MAP3K13: variants seen among roughly 807,000 people sequenced by gnomAD.
MAP3K13 encodes the protein leucine zipper-bearing kinase.
Under a neutral mutation model 104.0 loss-of-function variants are expected in MAP3K13, and 52 were observed. That is an observed-to-expected ratio of 0.50 (90% CI 0.40 to 0.63). MAP3K13 has a LOEUF of 0.63. Among genes scored for constraint, MAP3K13 ranks in the 20% least tolerant of loss-of-function variants. MAP3K13 has a pLI of 0.00. For synonymous variants in MAP3K13, 394 were observed against 442.2 expected (o/e 0.89, Z 1.37); for missense variants, 914 against 1,218.5 (o/e 0.75, Z 3.72).
intron 2 of MAP3K13, among the ~76,000 whole-genome samples, chr3:185,342,230 G>A (rs1029258764): frequency 6.6e-6 from 1 of 152,056 alleles, no homozygotes; most frequent in African/African-American, 2.4e-5. Flanking sequence ...CGAGATTCCT[G>A]CCCCTCAGAG....
At chr3:185,413,800 C>A (rs530408790) in intron 1 of MAP3K13, among the ~76,000 whole-genome samples, 1 of 151,938 alleles carries the variant, frequency 6.6e-6, no homozygotes, top group African/African-American at 2.4e-5. Context: ...CCAGCCTGGG[C>A]GACAGAGCGA....
chr3:185,416,488 T>A lies in MAP3K13; in HGVS notation c.-85-12009T>A, dbSNP rs142619278. On this transcript the variant is annotated intron_variant, in intron 1 of 13. Coordinates refer to ENST00000265026, the MANE Select transcript of MAP3K13 (RefSeq NM_004721.5). ...TGACAAAATTGAGGCTTAGAGAGAG[T>A]TATGGCGAGGTTAGTGATTACAATT... 3.3e-3 allele frequency among the ~76,000 whole-genome samples: 499 copies of A among 151,868 alleles called. 1 individual carries two copies. Among genetic ancestry groups the A allele is most frequent in the African/African-American group, 0.011 (474 of 41,382 alleles).
chr3:185,418,140 C>T lies in MAP3K13; in HGVS notation c.-85-10357C>T, dbSNP rs1413017254. On this transcript the variant is annotated intron_variant, in intron 1 of 13. Transcript: ENST00000265026. This position sits in a 1 kb window ranked among gnomAD's most constrained non-coding sequence, Gnocchi z 4.5. ...TGAAGGCCTTGATGATACCATTATC[C>T]TCATTATAGATGATGCACAGGCCCC... 1 of 1,606,370 alleles carries T rather than the reference C, an allele frequency of 6.2e-7. No homozygotes were observed. The highest frequency in any genetic ancestry group is 1.3e-5 in the African/African-American group (1 of 74,714).
intron 7 of MAP3K13, among the ~76,000 whole-genome samples, chr3:185,452,323 A>C (rs901910894): frequency 2.0e-5 from 3 of 152,088 alleles, no homozygotes; most frequent in Non-Finnish European, 4.4e-5. Flanking sequence ...TCCCGGGCTC[A>C]AGCAACCCTC....
rs9837322 is a variant in MAP3K13 at position 185,335,216 on chromosome 3, A to T, written c.-86+49573A>T. 5.8e-3 allele frequency among the ~76,000 whole-genome samples: 877 copies of T among 152,320 alleles called. 7 individuals carry two copies. Among genetic ancestry groups the T allele is most frequent in the African/African-American group, 0.019 (785 of 41,572 alleles). On this transcript the variant is annotated intron_variant, in intron 2 of 14. Coordinates refer to the MAP3K13 transcript ENST00000424227. ...CATGCAGCATTTTCTAAAGTGTTTG[A>T]TCACAGAATCCTTTATTCATCTGGA... is the stretch of plus-strand genomic sequence containing the variant.
rs1034761013 is a variant in MAP3K13, at chr3:185,339,993, TC to T, written c.-86+54352del. ...TTTTGTGACCTTTAATTATTTCTTT[TC>T]CTTTTTTTTTTTGTCAAAATATATT... On this transcript the variant is annotated intron_variant, in intron 2 of 14. Transcript: ENST00000424227. Among the ~76,000 whole-genome samples the T allele has an allele frequency of 4.3e-3, 273 of 64,224 alleles. 1 individual carries two copies. The highest frequency in any genetic ancestry group is 8.7e-3 in the Non-Finnish European group (191 of 22,004). 42.1% of individuals were successfully genotyped at this position (64,224 alleles called of 152,430 possible). A position where few individuals can be genotyped will look rare whatever the true frequency, so the allele number is the denominator to read the frequency against.
In MAP3K13 at chr3:185,288,344, A is replaced by C. The variant is rs527239932; in HGVS notation, c.-86+2701A>C. Among the ~76,000 whole-genome samples the C allele has an allele frequency of 7.9e-5, 12 of 152,034 alleles. No homozygotes were observed. The East Asian group carries it at 2.1e-3, about 27-fold the overall frequency. ...TATATATGTGTGTACATAGATACAT[A>C]GTATATTATACCTACATCTATGTAT... On this transcript the variant is annotated intron_variant, in intron 2 of 14. Transcript: ENST00000424227.
intron 2 of MAP3K13, chr3:185,292,612 T>C (rs1720783301): frequency 1.0e-6 from 1 of 975,842 alleles, no homozygotes; most frequent in African/African-American, 1.8e-5. Context: ...ATAAAATGTA[T>C]AATACAGACA....
intron 8 of MAP3K13, 151 bp downstream of exon 8, chr3:185,463,810 C>T: frequency 5.8e-6 from 3 of 513,124 alleles, no homozygotes; most frequent in Non-Finnish European, 1.1e-5. Flanking sequence ...CAAAAGTTAG[C>T]CTTCCTTTGT....
At chr3:185,356,197 T>G (rs1356882979) in intron 2 of MAP3K13, among the ~76,000 whole-genome samples, 2 of 152,212 alleles carry the variant, frequency 1.3e-5, no homozygotes, top group African/African-American at 4.8e-5. Context: ...AAGACAGAAT[T>G]TGAAAGTTAG....
chr3:185,449,861 C>T, intron 5 of MAP3K13, 39 bp from the exon 6 acceptor site: 1 of 1,526,472 alleles, frequency 6.6e-7, no homozygotes. Flanking sequence ...ATCAGTCTTT[C>T]TGAAACATCT....
intron 7 of MAP3K13, among the ~76,000 whole-genome samples, chr3:185,453,212 C>T (rs1345967346): frequency 1.3e-5 from 2 of 152,056 alleles, no homozygotes; most frequent in Non-Finnish European, 2.9e-5. Context: ...TAGCTGTATG[C>T]TTATAGAACA....
At chr3:185,377,668 T>C (rs544525633) in intron 1 of MAP3K13, among the ~76,000 whole-genome samples, 1 of 152,192 alleles carries the variant, frequency 6.6e-6, no homozygotes, top group East Asian at 1.9e-4. Flanking sequence ...AACAGGCCCT[T>C]CAAAAGAAGG....
At chr3:185,350,064 A>G (rs947771043) in intron 2 of MAP3K13, among the ~76,000 whole-genome samples, 29 of 152,248 alleles carry the variant, frequency 1.9e-4, no homozygotes, top group Non-Finnish European at 2.8e-4. Context: ...AATTTAAAAT[A>G]TATTTCCAGA....
intron 2 of MAP3K13, among the ~76,000 whole-genome samples, chr3:185,329,717 T>A (rs972832462): frequency 6.6e-6 from 1 of 152,194 alleles, no homozygotes; most frequent in African/African-American, 2.4e-5. Flanking sequence ...GAACTACACA[T>A]TGTTACACAA....
At chr3:185,360,813 T>C (rs1273104008), upstream of MAP3K13, among the ~76,000 whole-genome samples, 1 of 140,440 alleles carries the variant, frequency 7.1e-6, no homozygotes, top group East Asian at 2.1e-4. Context: ...CTACAACAGC[T>C]TTAGCTTTTT....
chr3:185,353,616 C>A (rs1316200515), intron 2 of MAP3K13, among the ~76,000 whole-genome samples: 1 of 152,140 alleles, frequency 6.6e-6, no homozygotes, highest in Non-Finnish European at 1.5e-5. Context: ...TAGTATGGAC[C>A]TGTTTATGGA....
exon 1 of MAP3K13, chr3:185,283,007 G>C (rs1720357886): frequency 6.6e-6 from 1 of 152,384 alleles, no homozygotes; most frequent in Non-Finnish European, 1.5e-5. Flanking sequence ...GGATGCGCTG[G>C]GAGCCTAGGA....
intron 2 of MAP3K13, among the ~76,000 whole-genome samples, chr3:185,286,957 T>C (rs1393381477): frequency 3.3e-5 from 5 of 152,196 alleles, no homozygotes; most frequent in Non-Finnish European, 7.4e-5. Context: ...AGCCTTTTAC[T>C]ATTCCCTTAT....
Sources: gnomAD v4.1 joint callset for allele counts (sites outside exome capture counted in the v4.1 genomes callset) on GRCh38, gnomAD v4.1.1 for gene constraint, Gnocchi (gnomAD v3.1) non-coding constraint, MANE v1.5 for transcripts, NCBI Gene and HGNC (gene_info 2026-07-23, HGNC 2026-07-21) for gene names.